The following AADACL4 variants were observed in gnomAD, a reference collection of about 807,000 sequenced individuals.
AADACL4 encodes arylacetamide deacetylase like 4.
AADACL4 carries 9 observed loss-of-function variants against 14.1 expected under a neutral mutation model. The observed-to-expected ratio is 0.64, with a 90% CI of 0.39 to 1.12. The LOEUF is 1.12. Among genes scored for constraint, AADACL4 ranks in the 50% most tolerant of loss-of-function variants. AADACL4 has a pLI of 0.01. For missense variants in AADACL4, 531 were observed against 516.1 expected (o/e 1.03, Z -0.28); for synonymous variants, 188 against 201.6 (o/e 0.93, Z 0.57).
intron 2 of AADACL4, among the ~76,000 whole-genome samples, chr1:12,660,534 C>T (rs942999512): frequency 6.6e-6 from 1 of 152,092 alleles, no homozygotes; most frequent in Admixed American, 6.5e-5. Flanking sequence ...AGGTTGGCCC[C>T]GGGTGTCTAG....
In AADACL4 at chr1:12,666,877, C is replaced by T; in HGVS notation, c.*142C>T. The T allele has an allele frequency of 3.5e-6, 3 of 853,008 alleles. No individual in the cohort carries two copies. The highest frequency in any genetic ancestry group is 1.9e-5 in the South Asian group (1 of 53,026). 52.8% of individuals were successfully genotyped at this position (853,008 alleles called of 1,614,324 possible). A position where few individuals can be genotyped will look rare whatever the true frequency, so the allele number is the denominator to read the frequency against. On this transcript the variant is annotated 3_prime_UTR_variant, in exon 4 of 4. Coordinates refer to ENST00000376221, the MANE Select transcript of AADACL4 (RefSeq NM_001013630.2). ...CTGGGAAGGGTGAGAAGTAAGCTAA[C>T]AGTCTTGCTTAGTATTCAAGAAAAT...
intron 1 of AADACL4, among the ~76,000 whole-genome samples, chr1:12,647,121 T>C (rs1010423667): frequency 4.7e-4 from 70 of 148,030 alleles, no homozygotes; most frequent in Middle Eastern, 3.6e-3. Flanking sequence ...TGAGACAGGG[T>C]CTCACTCTGT....
intron 2 of AADACL4, among the ~76,000 whole-genome samples, chr1:12,658,801 CCGG>C (rs1017442923): frequency 6.6e-6 from 1 of 152,066 alleles, no homozygotes; most frequent in Non-Finnish European, 1.5e-5. Context: ...GTCTCCACCC[CCGG>C]CTTCATCCTT....
At chr1:12,663,070 A>C (rs1647254229) in intron 3 of AADACL4, among the ~76,000 whole-genome samples, 1 of 152,146 alleles carries the variant, frequency 6.6e-6, no homozygotes, top group African/African-American at 2.4e-5. Context: ...ATGCACAGAT[A>C]AGGGCTTCCA....
intron 2 of AADACL4, among the ~76,000 whole-genome samples, chr1:12,659,295 C>G (rs1276396777): frequency 6.6e-6 from 1 of 152,182 alleles, no homozygotes; most frequent in Non-Finnish European, 1.5e-5. Flanking sequence ...ATCATGATAA[C>G]ACAGGTGGCA....
intron 2 of AADACL4, among the ~76,000 whole-genome samples, chr1:12,660,745 G>A (rs1412555549): frequency 6.6e-6 from 1 of 152,118 alleles, no homozygotes; most frequent in Non-Finnish European, 1.5e-5. Context: ...CCGGGTTCAA[G>A]CAATTCTTCT....
At chr1:12,663,518 C>A (rs565314056) in intron 3 of AADACL4, among the ~76,000 whole-genome samples, 192 of 152,296 alleles carry the variant, frequency 1.3e-3, no homozygotes, top group Non-Finnish European at 2.0e-3. Flanking sequence ...TAAGGCCCCA[C>A]TTCCTAATAC....
At position 12,666,386 on chromosome 1, in the gene AADACL4, A is replaced by G. The variant is rs1317708441; in HGVS notation, c.875A>G (p.Lys292Arg). Residue 292 changes from lysine (K) to arginine (R), a missense_variant, in exon 4 of 4, where the codon AAG (lysine) becomes AGG (arginine). Coordinates refer to ENST00000376221, the MANE Select transcript of AADACL4 (RefSeq NM_001013630.2). ...EKWLSPDNIP[K>R]KFKNRGYQPW... is the part of the protein sequence containing the mutation. Reference sequence around the variant, plus strand: ...TGGCTCAGCCCTGACAACATCCCCAAGAAATTTAAGAACAGAGGCTACCAA... The same window carrying G: ...TGGCTCAGCCCTGACAACATCCCCAGGAAATTTAAGAACAGAGGCTACCAA... 1.2e-6 allele frequency: 2 copies of G among 1,613,994 alleles called. No individual in the cohort carries two copies. The highest frequency in any genetic ancestry group is 2.7e-5 in the African/African-American group (2 of 74,948).
intron 2 of AADACL4, among the ~76,000 whole-genome samples, chr1:12,655,597 G>A (rs920131401): frequency 1.3e-5 from 2 of 151,910 alleles, no homozygotes; most frequent in African/African-American, 4.8e-5. Context: ...CAGGTTTGCT[G>A]TTAGGCCCGT....
chr1:12,644,600 G>T lies in AADACL4; in HGVS notation c.54G>T (p.Gly18=). ...TGGCATTGCCCATCTTTTTCCTGGG[G>T]GTCTTTGTCTGGGCTGTCTTTGAGC... ...LLLALPIFFL[G]VFVWAVFEHF... Residue 18 remains glycine, a synonymous_variant, in exon 1 of 4, where the codon GGG becomes GGT. Coordinates refer to ENST00000376221, the MANE Select transcript of AADACL4 (RefSeq NM_001013630.2). 6.2e-7 allele frequency: 1 copy of T among 1,614,072 alleles called. No homozygotes were observed. The highest frequency in any genetic ancestry group is 2.2e-5 in the East Asian group (1 of 44,870).
intron 1 of AADACL4, among the ~76,000 whole-genome samples, chr1:12,645,279 C>G (rs1647104405): frequency 7.7e-6 from 1 of 130,606 alleles, no homozygotes; most frequent in South Asian, 2.9e-4. Flanking sequence ...CCCTTCCTTC[C>G]TTGTTTCCTT....
At chr1:12,654,789 T>G (rs926545246) in intron 2 of AADACL4, among the ~76,000 whole-genome samples, 2 of 152,196 alleles carry the variant, frequency 1.3e-5, no homozygotes, top group African/African-American at 4.8e-5. Flanking sequence ...TTTATCTAAA[T>G]AGCTTGTTTA....
chr1:12,659,462 C>G (rs886308648), intron 2 of AADACL4, among the ~76,000 whole-genome samples: 3 of 152,140 alleles, frequency 2.0e-5, no homozygotes, highest in African/African-American at 7.2e-5. Context: ...TTGCTTCAGG[C>G]TCCAAATTCA....
rs145069583 is a variant in AADACL4 at position 12,652,912 on chromosome 1, C to G, written c.385+1573C>G. 2.6e-5 allele frequency among the ~76,000 whole-genome samples: 4 copies of G among 152,332 alleles called. No homozygotes were observed. In the East Asian group the frequency reaches 7.7e-4, roughly 29 times the overall value. Reference sequence around the variant, plus strand: ...CTTTTCAGGGTTTTATCACCTTCTGCGGCTATTTCAACAATTTCCTTTTGC... The same window carrying G: ...CTTTTCAGGGTTTTATCACCTTCTGGGGCTATTTCAACAATTTCCTTTTGC... On this transcript the variant is annotated intron_variant, in intron 2 of 3. Transcript: ENST00000376221.
At chr1:12,648,383 T>TCCTC in intron 1 of AADACL4, among the ~76,000 whole-genome samples, 1 of 150,010 alleles carries the variant, frequency 6.7e-6, no homozygotes, top group Admixed American at 6.6e-5. Flanking sequence ...CTTCCTTCCT[T>TCCTC]CCTTCCTTTC....
Position 12,644,732 on chromosome 1 carries a change from C to T in AADACL4, c.168+18C>T. 6.2e-7 allele frequency: 1 copy of T among 1,611,898 alleles called. No individual in the cohort carries two copies. Among genetic ancestry groups the T allele is most frequent in the Non-Finnish European group, 8.5e-7 (1 of 1,178,484 alleles). ...TCACTTTGGTGAGTTTACTCTCAGG[C>T]CACGTCGTAACCTGGGGGCTTCTTC... On this transcript the variant is annotated intron_variant, in intron 1 of 3. Coordinates refer to ENST00000376221, the MANE Select transcript of AADACL4 (RefSeq NM_001013630.2).
chr1:12,661,807 G>A lies in AADACL4; in HGVS notation c.402G>A (p.Leu134=), dbSNP rs745800653. 3 of 1,614,050 alleles carry A rather than the reference G, an allele frequency of 1.9e-6. No homozygotes were observed. The highest frequency in any genetic ancestry group is 2.5e-6 in the Non-Finnish European group (3 of 1,180,038). Residue 134 remains leucine (L), a synonymous_variant, in exon 3 of 4, where the codon CTG becomes CTA. Transcript: ENST00000376221. The part of the protein sequence containing the change: ...VFGSLDCYHG[L]CNYLARETES... Reference sequence around the variant, plus strand: ...GTCTTGCAGATTGTTACCATGGCCTGTGCAATTATCTGGCCCGGGAGACTG... The same window carrying A: ...GTCTTGCAGATTGTTACCATGGCCTATGCAATTATCTGGCCCGGGAGACTG...
At chr1:12,659,559 A>G (rs1570432513) in intron 2 of AADACL4, among the ~76,000 whole-genome samples, 1 of 152,250 alleles carries the variant, frequency 6.6e-6, no homozygotes, top group Non-Finnish European at 1.5e-5. Flanking sequence ...AACAATTATG[A>G]TGAACAAAAT....
chr1:12,657,640 A>G (rs529397867), intron 2 of AADACL4, among the ~76,000 whole-genome samples: 72 of 152,308 alleles, frequency 4.7e-4, no homozygotes, highest in African/African-American at 1.6e-3. Context: ...TGGGGCTGCT[A>G]CCTTTATAGG....
Sources: gnomAD v4.1 joint callset for allele counts (sites outside exome capture counted in the v4.1 genomes callset) on GRCh38, gnomAD v4.1.1 for gene constraint, MANE v1.5 for transcripts, NCBI Gene and HGNC (gene_info 2026-07-23, HGNC 2026-07-21) for gene names.